SPRR2G: variants seen among roughly 807,000 people sequenced by gnomAD.
SPRR2G encodes small proline-rich protein 2G.
SPRR2G carries 1 observed loss-of-function variant against 0.7 expected under a neutral mutation model. The ratio of observed to expected loss-of-function variants is 1.49; its 90% CI spans 0.53 to 7.06. The LOEUF (loss-of-function observed/expected upper bound fraction) is 7.06. Ranked by LOEUF, SPRR2G falls within the 30% of genes most tolerant of loss-of-function variation. The pLI is 0.14. For missense variants in SPRR2G, 96 were observed against 88.5 expected, an observed-to-expected ratio of 1.09 and a Z score of -0.34; for synonymous variants, 38 against 33.9, an observed-to-expected ratio of 1.12 and a Z score of -0.42.
At chr1:153,199,225 G>A in the SPRR2G span, among the ~76,000 whole-genome samples, 1 of 152,188 alleles carries the variant, frequency 6.6e-6, no homozygotes, top group African/African-American at 2.4e-5. Context: ...ATAAGGGAGG[G>A]AAAACTGGCT....
the SPRR2G span, among the ~76,000 whole-genome samples, chr1:153,160,045 GAA>G: frequency 6.6e-6 from 1 of 152,278 alleles, no homozygotes; most frequent in South Asian, 2.1e-4. Flanking sequence ...TATACCCACT[GAA>G]AAACAAATTT....
the SPRR2G span, among the ~76,000 whole-genome samples, chr1:153,194,053 T>G: frequency 6.6e-6 from 1 of 152,134 alleles, no homozygotes; most frequent in Admixed American, 6.5e-5. Flanking sequence ...CATGCTTTGC[T>G]CCTCCTTCTG....
intron 1 of SPRR2G, among the ~76,000 whole-genome samples, chr1:153,150,550 A>G (rs768743119): frequency 7.9e-5 from 12 of 152,180 alleles, no homozygotes; most frequent in Non-Finnish European, 1.6e-4. Context: ...ACTTGCACCC[A>G]TCACCCAAGG....
At chr1:153,186,117 G>C in the SPRR2G span, among the ~76,000 whole-genome samples, 186 of 152,264 alleles carry the variant, frequency 1.2e-3, no homozygotes, top group Non-Finnish European at 1.1e-3. Flanking sequence ...ATTTGCTGAG[G>C]AGTGTTTTAC....
chr1:153,162,614 G>T, the SPRR2G span, among the ~76,000 whole-genome samples: 1 of 126,158 alleles, frequency 7.9e-6, no homozygotes, highest in Admixed American at 8.3e-5. Context: ...CCTTAGAATT[G>T]CTTGGTGACC....
chr1:153,180,792 T>C, the SPRR2G span, among the ~76,000 whole-genome samples: 1 of 152,224 alleles, frequency 6.6e-6, no homozygotes, highest in Non-Finnish European at 1.5e-5. Flanking sequence ...GTCTATCTTT[T>C]TTCGTGTTAG....
upstream of SPRR2G, among the ~76,000 whole-genome samples, chr1:153,154,581 T>C (rs1200714740): frequency 1.3e-5 from 2 of 152,134 alleles, no homozygotes; most frequent in African/African-American, 4.8e-5. Context: ...TCAGTCTCAG[T>C]AGGTTGCATG....
At chr1:153,164,123 C>G in the SPRR2G span, among the ~76,000 whole-genome samples, 1 of 152,172 alleles carries the variant, frequency 6.6e-6, no homozygotes, top group Admixed American at 6.5e-5. Flanking sequence ...TTTCAAGTAA[C>G]AGGTTTTACA....
At chr1:153,155,162 TC>T (rs1285103310), upstream of SPRR2G, among the ~76,000 whole-genome samples, 1 of 152,110 alleles carries the variant, frequency 6.6e-6, no homozygotes, top group Non-Finnish European at 1.5e-5. Flanking sequence ...GTTTCAGTCA[TC>T]ACAAATCTAC....
At chr1:153,185,676 T>C in the SPRR2G span, among the ~76,000 whole-genome samples, 1 of 152,080 alleles carries the variant, frequency 6.6e-6, no homozygotes, top group African/African-American at 2.4e-5. Flanking sequence ...AGCTCCTGGA[T>C]TCATTTTTTT....
At chr1:153,193,388 T>C in the SPRR2G span, among the ~76,000 whole-genome samples, 1 of 152,198 alleles carries the variant, frequency 6.6e-6, no homozygotes, top group East Asian at 1.9e-4. Context: ...TGCAGAGTAT[T>C]TGTCCAGGTT....
At chr1:153,195,634 T>C in the SPRR2G span, among the ~76,000 whole-genome samples, 1 of 152,200 alleles carries the variant, frequency 6.6e-6, no homozygotes, top group Non-Finnish European at 1.5e-5. Context: ...TAGACAATGG[T>C]AAAGTCTTAA....
the SPRR2G span, among the ~76,000 whole-genome samples, chr1:153,157,767 T>C: frequency 6.6e-6 from 1 of 152,094 alleles, no homozygotes; most frequent in Admixed American, 6.6e-5. Context: ...TCACACTGCT[T>C]ACAAGGATAC....
the SPRR2G span, among the ~76,000 whole-genome samples, chr1:153,164,777 T>C: frequency 0.022 from 3,355 of 152,294 alleles, 111 homozygotes; most frequent in East Asian, 0.11. Context: ...TGTGGAATTT[T>C]TTTTCTGAAT....
chr1:153,162,262 G>T, the SPRR2G span, among the ~76,000 whole-genome samples: 1 of 152,190 alleles, frequency 6.6e-6, no homozygotes, highest in Non-Finnish European at 1.5e-5. Flanking sequence ...CGTGGTATTT[G>T]GTTTTCTGTT....
the SPRR2G span, among the ~76,000 whole-genome samples, chr1:153,178,297 C>A: frequency 6.6e-6 from 1 of 152,158 alleles, no homozygotes; most frequent in Non-Finnish European, 1.5e-5. Flanking sequence ...CTTCTTCTTT[C>A]CAATCCATGC....
chr1:153,169,575 A>G, the SPRR2G span, among the ~76,000 whole-genome samples: 1 of 151,572 alleles, frequency 6.6e-6, no homozygotes, highest in Non-Finnish European at 1.5e-5. Flanking sequence ...AAAAAAAAAA[A>G]AAGCCACCAA....
the SPRR2G span, among the ~76,000 whole-genome samples, chr1:153,188,838 G>A: frequency 6.6e-6 from 1 of 152,194 alleles, no homozygotes; most frequent in Non-Finnish European, 1.5e-5. Flanking sequence ...TCTGTGGGTT[G>A]CCAAAACCAT....
At chr1:153,157,433 C>T in the SPRR2G span, among the ~76,000 whole-genome samples, 2 of 152,120 alleles carry the variant, frequency 1.3e-5, no homozygotes, top group Non-Finnish European at 2.9e-5. Context: ...ATTTTTGAAG[C>T]TAGGTGATGG....
Sources: gnomAD v4.1 joint callset for allele counts (sites outside exome capture counted in the v4.1 genomes callset) on GRCh38, gnomAD v4.1.1 for gene constraint, MANE v1.5 for transcripts, NCBI Gene and HGNC (gene_info 2026-07-23, HGNC 2026-07-21) for gene names.